The following XPR1 variants were observed in gnomAD, a reference collection of about 807,000 sequenced individuals.
XPR1 encodes solute carrier family 53 member 1.
XPR1 carries 28 observed loss-of-function variants against 87.5 expected under a neutral mutation model. The ratio of observed to expected loss-of-function variants is 0.32; its 90% CI spans 0.24 to 0.44. The LOEUF is 0.44. Ranked by LOEUF, XPR1 falls within the 20% of genes least tolerant of loss-of-function variation. The pLI is 1.00. For synonymous variants in XPR1, 300 were observed against 306.1 expected, an observed-to-expected ratio of 0.98 and a Z score of 0.21; for missense variants, 559 against 862.3, an observed-to-expected ratio of 0.65 and a Z score of 4.41.
intron 2 of XPR1, among the ~76,000 whole-genome samples, chr1:180,774,037 C>G (rs1025674932): frequency 6.6e-6 from 1 of 152,068 alleles, no homozygotes; most frequent in Non-Finnish European, 1.5e-5. Flanking sequence ...TGTCATCTTT[C>G]TCAGTATGAT....
intron 2 of XPR1, among the ~76,000 whole-genome samples, chr1:180,686,987 T>C (rs1023549399): frequency 5.9e-5 from 9 of 152,190 alleles, no homozygotes; most frequent in African/African-American, 2.2e-4. Flanking sequence ...TTTAATTCTC[T>C]AATATTTAAC....
At position 180,885,086 on chromosome 1, in the gene XPR1, G is replaced by A. The variant is rs1218954264; in HGVS notation, c.*1020G>A. ...TGCCTTATTATGCATCCACATGTAT[G>A]GTCCCTGTAGCGTGACCTTTACTAG... On this transcript the variant is annotated 3_prime_UTR_variant, in exon 15 of 15. Transcript: ENST00000367590. 1 of 152,508 alleles carries A rather than the reference G, an allele frequency of 6.6e-6. No homozygotes were observed. Among genetic ancestry groups the A allele is most frequent in the Non-Finnish European group, 1.5e-5 (1 of 68,012 alleles). The allele number at this position is 152,508 out of a possible 1,614,324, so 9.4% of individuals were successfully genotyped here.
chr1:180,836,090 G>A (rs1160583978), intron 10 of XPR1, among the ~76,000 whole-genome samples: 1 of 152,094 alleles, frequency 6.6e-6, no homozygotes, highest in African/African-American at 2.4e-5. Context: ...TGGGCGCAGT[G>A]GCTCACACCT....
At chr1:180,781,282 G>A (rs1648925902) in intron 2 of XPR1, among the ~76,000 whole-genome samples, 1 of 151,432 alleles carries the variant, frequency 6.6e-6, no homozygotes, top group Non-Finnish European at 1.5e-5. Context: ...ACATTATGTT[G>A]GGTATGTCGT....
intron 9 of XPR1, among the ~76,000 whole-genome samples, chr1:180,830,767 A>G (rs750431007): frequency 3.9e-5 from 6 of 152,192 alleles, no homozygotes; most frequent in Non-Finnish European, 5.9e-5. Context: ...TTATCAAGAC[A>G]ATCTGCACAA....
intron 2 of XPR1, among the ~76,000 whole-genome samples, chr1:180,689,920 C>T (rs1012692106): frequency 6.6e-6 from 1 of 152,054 alleles, no homozygotes; most frequent in Non-Finnish European, 1.5e-5. Flanking sequence ...CTTTGGGAGA[C>T]CAAGGCTGGC....
At chr1:180,686,038 GTGTT>G (rs1171210186) in intron 2 of XPR1, among the ~76,000 whole-genome samples, 1 of 152,038 alleles carries the variant, frequency 6.6e-6, no homozygotes, top group Non-Finnish European at 1.5e-5. Context: ...GCTTTTGAAT[GTGTT>G]TGCTCTTGCT....
chr1:180,661,518 T>TGG (rs1246098666), intron 1 of XPR1, among the ~76,000 whole-genome samples: 1 of 145,198 alleles, frequency 6.9e-6, no homozygotes, highest in African/African-American at 2.6e-5. Flanking sequence ...TGTGTGTGTG[T>TGG]GGTATGTTTT....
At chr1:180,705,562 T>G (rs1401849332) in intron 2 of XPR1, among the ~76,000 whole-genome samples, 1 of 152,142 alleles carries the variant, frequency 6.6e-6, no homozygotes, top group Non-Finnish European at 1.5e-5. Flanking sequence ...CTTTTGGCCA[T>G]TACAACAAGA....
chr1:180,776,876 G>A (rs1051121447), intron 2 of XPR1, among the ~76,000 whole-genome samples: 7 of 152,040 alleles, frequency 4.6e-5, no homozygotes, highest in African/African-American at 1.7e-4. Flanking sequence ...TTTTGTGTGT[G>A]TTCTACCAAG....
At chr1:180,807,528 T>C (rs1650044526) in intron 6 of XPR1, among the ~76,000 whole-genome samples, 1 of 152,302 alleles carries the variant, frequency 6.6e-6, no homozygotes, top group Non-Finnish European at 1.5e-5. Context: ...CATTGAAAAC[T>C]ACAAAACACT....
chr1:180,678,950 C>G (rs1421587892), intron 1 of XPR1, among the ~76,000 whole-genome samples: 1 of 151,944 alleles, frequency 6.6e-6, no homozygotes, highest in African/African-American at 2.4e-5. Flanking sequence ...AATCCCAGCA[C>G]TTTAGGAGGC....
intron 12 of XPR1, among the ~76,000 whole-genome samples, chr1:180,872,539 G>T (rs1558046370): frequency 1.4e-5 from 1 of 69,634 alleles, no homozygotes; most frequent in Admixed American, 1.7e-4. Context: ...TCTTAAGCCG[G>T]TCTGAAAAGC....
chr1:180,874,724 A>C (rs1652607148), intron 13 of XPR1, among the ~76,000 whole-genome samples: 1 of 152,176 alleles, frequency 6.6e-6, no homozygotes, highest in Non-Finnish European at 1.5e-5. Context: ...CTAAAAAAAA[A>C]TCAGACAAGA....
chr1:180,711,721 C>T (rs1443157969), intron 2 of XPR1, among the ~76,000 whole-genome samples: 1 of 152,094 alleles, frequency 6.6e-6, no homozygotes, highest in Non-Finnish European at 1.5e-5. Flanking sequence ...TTGATGTAGT[C>T]CAATTTATCA....
intron 1 of XPR1, among the ~76,000 whole-genome samples, chr1:180,661,730 C>A (rs1655786892): frequency 6.6e-6 from 1 of 152,050 alleles, no homozygotes; most frequent in Non-Finnish European, 1.5e-5. Flanking sequence ...CAAAAATTAG[C>A]TGGGCATGGT....
chr1:180,784,703 G>A (rs1649068313), intron 2 of XPR1, among the ~76,000 whole-genome samples: 1 of 151,930 alleles, frequency 6.6e-6, no homozygotes, highest in South Asian at 2.1e-4. Context: ...CTTCTAAATT[G>A]ATGGCTGGTT....
chr1:180,746,198 A>G (rs1036500442), intron 2 of XPR1, among the ~76,000 whole-genome samples: 2 of 152,006 alleles, frequency 1.3e-5, no homozygotes, highest in African/African-American at 4.8e-5. Context: ...TTCCTCACTG[A>G]ATGTTAAGAA....
rs114318070 is a variant in XPR1 at position 180,779,037 on chromosome 1, G to C, written c.122-8716G>C. 3.2e-3 allele frequency among the ~76,000 whole-genome samples: 489 copies of C among 152,120 alleles called. 4 individuals carry two copies. Among genetic ancestry groups the C allele is most frequent in the African/African-American group, 0.011 (453 of 41,514 alleles). The stretch of plus-strand genomic sequence containing the variant: ...TTGTGAGCTGCTTTCAGTTCTTTAG[G>C]CATCTCAGTTTCTTTTCTAACATGC... On this transcript the variant is annotated intron_variant, in intron 2 of 14. Coordinates refer to ENST00000367590, the MANE Select transcript of XPR1 (RefSeq NM_004736.4).
Sources: gnomAD v4.1 joint callset for allele counts (sites outside exome capture counted in the v4.1 genomes callset) on GRCh38, gnomAD v4.1.1 for gene constraint, MANE v1.5 for transcripts, NCBI Gene and HGNC (gene_info 2026-07-23, HGNC 2026-07-21) for gene names.